The following PTK2 variants were observed in gnomAD, a reference collection of about 807,000 sequenced individuals.
PTK2 encodes the protein protein tyrosine kinase 2, also known as focal adhesion kinase 1.
In PTK2, 45 loss-of-function variants were observed where a neutral mutation model predicts 150.1. The ratio of observed to expected loss-of-function variants is 0.30; its 90% CI spans 0.24 to 0.38. PTK2 has a LOEUF of 0.38. Ranked by LOEUF, PTK2 falls within the 10% of genes least tolerant of loss-of-function variation. The pLI, the probability that PTK2 is intolerant of heterozygous loss-of-function variation, is 1.00. For synonymous variants in PTK2, 432 were observed against 449.2 expected, an observed-to-expected ratio of 0.96 and a Z score of 0.48; for missense variants, 919 against 1,307.3, an observed-to-expected ratio of 0.70 and a Z score of 4.58.
intron 10 of PTK2, among the ~76,000 whole-genome samples, chr8:140,817,566 G>A (rs2100105507): frequency 6.6e-6 from 1 of 152,090 alleles, no homozygotes; most frequent in African/African-American, 2.4e-5. Context: ...CCCTCACACT[G>A]TTCTACTTTT....
chr8:140,879,457 G>T lies in PTK2; in HGVS notation c.362+14C>A, dbSNP rs753990675. On this transcript the variant is annotated intron_variant, in intron 4 of 31. Transcript: ENST00000522684. ...ATCAAGTGTGCATCACACCAAAGCA[G>T]GTTTGTATCTTACTTCCACTCCTCT... 6.3e-7 allele frequency: 1 copy of T among 1,592,406 alleles called. No homozygotes were observed. Among genetic ancestry groups the T allele is most frequent in the Non-Finnish European group, 8.5e-7 (1 of 1,170,346 alleles).
At chr8:140,736,858 T>A (rs1019228436) in intron 21 of PTK2, among the ~76,000 whole-genome samples, 1 of 152,224 alleles carries the variant, frequency 6.6e-6, no homozygotes, top group Non-Finnish European at 1.5e-5. Context: ...GTACAATTGA[T>A]GACTTGAAGA....
intron 1 of PTK2, among the ~76,000 whole-genome samples, chr8:140,995,721 T>G (rs1314229510): frequency 6.6e-6 from 1 of 151,636 alleles, no homozygotes; most frequent in Non-Finnish European, 1.5e-5. Flanking sequence ...AAGGTTTCAG[T>G]GAGCCAACAT....
intron 1 of PTK2, among the ~76,000 whole-genome samples, chr8:140,939,239 G>A (rs1281227916): frequency 7.2e-5 from 11 of 151,856 alleles, no homozygotes; most frequent in Admixed American, 2.6e-4. Context: ...AGCCAGATTC[G>A]AAAAAACTAT....
chr8:140,708,529 G>A (rs1433019607), intron 23 of PTK2, among the ~76,000 whole-genome samples: 2 of 152,150 alleles, frequency 1.3e-5, no homozygotes, highest in Non-Finnish European at 2.9e-5. Context: ...GCTATTATGA[G>A]CTGTTAAATT....
chr8:140,865,501 G>A (rs1342880601), intron 4 of PTK2, among the ~76,000 whole-genome samples: 2 of 152,118 alleles, frequency 1.3e-5, no homozygotes, highest in Admixed American at 1.3e-4. Flanking sequence ...CTTCCATTCT[G>A]TGGCTTAATG....
At position 140,827,830 on chromosome 8, in the gene PTK2, C is replaced by T. The variant is rs571764113; in HGVS notation, c.648+2642G>A. Among the ~76,000 whole-genome samples, 12 of 152,076 alleles carry T rather than the reference C, an allele frequency of 7.9e-5. No homozygotes were observed. The East Asian group carries it at 9.7e-4, about 12-fold the overall frequency. ...TGCCCTCAACAATCTTAAAATATAGCGGAGGAAGGCAGATAAAATACAAAC... is the reference window on the plus strand; with the variant it reads ...TGCCCTCAACAATCTTAAAATATAGTGGAGGAAGGCAGATAAAATACAAAC... On this transcript the variant is annotated intron_variant, in intron 8 of 31. Coordinates refer to ENST00000522684, the Ensembl canonical transcript of PTK2.
chr8:140,736,891 G>A (rs2100052893), intron 21 of PTK2, among the ~76,000 whole-genome samples: 1 of 152,114 alleles, frequency 6.6e-6, no homozygotes, highest in African/African-American at 2.4e-5. Flanking sequence ...CTTTATTTTT[G>A]CATCTTTAGA....
intron 4 of PTK2, among the ~76,000 whole-genome samples, chr8:140,875,473 G>T (rs1404290937): frequency 6.6e-6 from 1 of 152,192 alleles, no homozygotes; most frequent in African/African-American, 2.4e-5. Context: ...CACCAGAGTG[G>T]AGGAGGAAGA....
chr8:140,812,637 T>A (rs756334434), intron 10 of PTK2, among the ~76,000 whole-genome samples: 1 of 152,098 alleles, frequency 6.6e-6, no homozygotes, highest in Admixed American at 6.5e-5. Flanking sequence ...TCAAAATACC[T>A]ATCTCACATG....
chr8:140,691,535 A>T (rs866806303), intron 26 of PTK2, among the ~76,000 whole-genome samples: 4 of 152,220 alleles, frequency 2.6e-5, no homozygotes, highest in Middle Eastern at 3.4e-3. Context: ...TTTGTTTCTT[A>T]TCATGAGATG....
At chr8:140,808,348 C>T (rs977511352) in intron 10 of PTK2, among the ~76,000 whole-genome samples, 2 of 152,072 alleles carry the variant, frequency 1.3e-5, no homozygotes, top group African/African-American at 4.8e-5. Flanking sequence ...GTGTGGCAGG[C>T]AGAAATGTGA....
At chr8:140,863,123 T>G (rs2100137199) in intron 5 of PTK2, among the ~76,000 whole-genome samples, 1 of 152,230 alleles carries the variant, frequency 6.6e-6, no homozygotes, top group Admixed American at 6.5e-5. Context: ...TTGAATCTAA[T>G]CCACCATTGC....
rs370537018 is a variant in PTK2, at chr8:140,820,076, G to GTTTTTTTTTTTTTTT, written c.649-1071_649-1057dup. ...AGAGGAGTGACTTTATCTGACTTTG[G>GTTTTTTTTTTTTTTT]TTTTTTTTTTTTTTTTTTTTTTTTT... is the stretch of plus-strand genomic sequence containing the variant. On this transcript the variant is annotated intron_variant, in intron 8 of 31. Transcript: ENST00000522684. Among the ~76,000 whole-genome samples, 19 of 50,252 alleles carry GTTTTTTTTTTTTTTT rather than the reference G, an allele frequency of 3.8e-4. 6 individuals are homozygous for GTTTTTTTTTTTTTTT. The highest frequency in any genetic ancestry group is 6.7e-4 in the Non-Finnish European group (16 of 23,964). 33.0% of individuals were successfully genotyped at this position (50,252 alleles called of 152,430 possible). A position where few individuals can be genotyped will look rare whatever the true frequency, so the allele number is the denominator to read the frequency against.
intron 6 of PTK2, 56 bp from the exon 7 acceptor site, chr8:140,846,378 T>A: frequency 1.3e-6 from 2 of 1,551,318 alleles, no homozygotes; most frequent in Non-Finnish European, 1.8e-6. Context: ...TTTGTGTTGT[T>A]AAGTGATAAA....
At chr8:140,896,369 T>G (rs1399886965) in intron 2 of PTK2, among the ~76,000 whole-genome samples, 1 of 152,190 alleles carries the variant, frequency 6.6e-6, no homozygotes. Flanking sequence ...TCTACCTTTC[T>G]TATAAACACA....
chr8:140,686,737 T>C, intron 26 of PTK2, 43 bp from the exon 30 acceptor site: 5 of 1,513,202 alleles, frequency 3.3e-6, no homozygotes, highest in Non-Finnish European at 4.6e-6. Flanking sequence ...CATTTTTGAT[T>C]TGAAAATTTT....
intron 31 of PTK2, among the ~76,000 whole-genome samples, chr8:140,660,001 C>T (rs1764591594): frequency 6.6e-6 from 1 of 151,954 alleles, no homozygotes; most frequent in Admixed American, 6.6e-5. Flanking sequence ...TTTTAACTTC[C>T]CACACTACAT....
chr8:140,858,289 A>C (rs10103200), intron 5 of PTK2, among the ~76,000 whole-genome samples: 3,653 of 152,130 alleles, frequency 0.024, 155 homozygotes, highest in African/African-American at 0.085. Flanking sequence ...GATCTAACCC[A>C]AAATCCCAGA....
Sources: allele counts gnomAD v4.1 joint callset (sites outside exome capture counted in the v4.1 genomes callset), GRCh38; gene constraint gnomAD v4.1.1; transcripts MANE v1.5; gene names NCBI Gene and HGNC (gene_info 2026-07-23, HGNC 2026-07-21).